The following NEGR1 variants were observed in gnomAD, a reference collection of about 807,000 sequenced individuals.
The protein encoded by NEGR1 is IgLON family member 4.
Under a neutral mutation model 40.9 loss-of-function variants are expected in NEGR1, and 10 were observed. The ratio of observed to expected loss-of-function variants is 0.24; its 90% CI spans 0.15 to 0.42. The LOEUF (loss-of-function observed/expected upper bound fraction) is 0.42. Ranked by LOEUF, NEGR1 falls within the 10% of genes least tolerant of loss-of-function variation. NEGR1 has a pLI of 1.00. For synonymous variants in NEGR1, 185 were observed against 166.8 expected (o/e 1.11, Z -0.84); for missense variants, 352 against 438.9 (o/e 0.80, Z 1.77).
At chr1:71,844,755 G>C (rs1416776414) in intron 2 of NEGR1, among the ~76,000 whole-genome samples, 3 of 152,304 alleles carry the variant, frequency 2.0e-5, no homozygotes, top group South Asian at 2.1e-4. Context: ...CAGTAGAAGA[G>C]AGAAGCAAAG....
chr1:71,967,670 A>G (rs961376540), intron 1 of NEGR1, among the ~76,000 whole-genome samples: 2 of 152,152 alleles, frequency 1.3e-5, no homozygotes, highest in African/African-American at 2.4e-5. Context: ...GTACACACAA[A>G]TAAAAATAAG....
intron 4 of NEGR1, among the ~76,000 whole-genome samples, chr1:71,656,332 C>T (rs945132786): frequency 6.6e-6 from 1 of 152,164 alleles, no homozygotes; most frequent in Non-Finnish European, 1.5e-5. Flanking sequence ...ATTTCTGAGC[C>T]TTGGTTTATC....
At chr1:71,732,229 G>T (rs559915037) in intron 3 of NEGR1, among the ~76,000 whole-genome samples, 1 of 152,138 alleles carries the variant, frequency 6.6e-6, no homozygotes, top group South Asian at 2.1e-4. Flanking sequence ...AATCGCTTGG[G>T]TCCGAGAAGT....
intron 1 of NEGR1, among the ~76,000 whole-genome samples, chr1:72,113,399 TG>T (rs1466002931): frequency 1.3e-5 from 2 of 151,438 alleles, no homozygotes; most frequent in East Asian, 3.9e-4. Context: ...CTGTTATCCT[TG>T]GAGAATGGCA....
chr1:71,544,704 G>A (rs1647831269), intron 6 of NEGR1, among the ~76,000 whole-genome samples: 1 of 151,662 alleles, frequency 6.6e-6, no homozygotes, highest in Non-Finnish European at 1.5e-5. Flanking sequence ...CCCCGTATAG[G>A]AGATTGTTGG....
intron 1 of NEGR1, among the ~76,000 whole-genome samples, chr1:72,150,222 A>G (rs964536068): frequency 6.6e-6 from 1 of 152,192 alleles, no homozygotes; most frequent in Non-Finnish European, 1.5e-5. Context: ...CCTGTCATGA[A>G]GCACAGTCTT....
chr1:71,411,567 A>T (rs1315170808), intron 6 of NEGR1, among the ~76,000 whole-genome samples: 1 of 152,146 alleles, frequency 6.6e-6, no homozygotes, highest in East Asian at 1.9e-4. Context: ...AGGTCATGTG[A>T]TCAGAGATGT....
Position 71,480,371 on chromosome 1 carries a change from C to G in NEGR1, c.941-72801G>C, listed in dbSNP as rs7516025. On this transcript the variant is annotated intron_variant, in intron 6 of 6. Coordinates refer to ENST00000357731, the MANE Select transcript of NEGR1 (RefSeq NM_173808.3). ...AAAATTGCAAGTCCCAACCCTCTTA[C>G]TTTGTTCTGTCCACTACCCTTCCTC... Among the ~76,000 whole-genome samples, 272 of 151,960 alleles carry G rather than the reference C, an allele frequency of 1.8e-3. 1 individual carries two copies. Among genetic ancestry groups the G allele is most frequent in the African/African-American group, 6.2e-3 (259 of 41,514 alleles).
chr1:71,698,367 G>A (rs1653558306), intron 3 of NEGR1, among the ~76,000 whole-genome samples: 1 of 151,866 alleles, frequency 6.6e-6, no homozygotes, highest in South Asian at 2.1e-4. Flanking sequence ...GGATATACAT[G>A]TGTTCTTTTT....
chr1:71,996,563 A>G (rs539293126), intron 1 of NEGR1, among the ~76,000 whole-genome samples: 2 of 152,058 alleles, frequency 1.3e-5, no homozygotes, highest in East Asian at 3.9e-4. Context: ...TCTCAAAACT[A>G]TTTCTGATTT....
intron 1 of NEGR1, among the ~76,000 whole-genome samples, chr1:71,982,541 G>A (rs1557467538): frequency 6.6e-6 from 1 of 152,074 alleles, no homozygotes; most frequent in Non-Finnish European, 1.5e-5. Context: ...TTTCCCAATT[G>A]CTTAGAGTTA....
At chr1:71,587,732 A>G (rs1649355806) in intron 6 of NEGR1, among the ~76,000 whole-genome samples, 1 of 152,048 alleles carries the variant, frequency 6.6e-6, no homozygotes, top group Admixed American at 6.6e-5. Context: ...AACCTATACT[A>G]CAGTAAAGGA....
At chr1:71,943,703 A>G (rs1450593211) in intron 1 of NEGR1, among the ~76,000 whole-genome samples, 2 of 152,216 alleles carry the variant, frequency 1.3e-5, no homozygotes, top group African/African-American at 4.8e-5. Context: ...AAGTCTGAAT[A>G]TCAAAATATC....
At chr1:72,063,240 C>T (rs1186423651) in intron 1 of NEGR1, among the ~76,000 whole-genome samples, 1 of 151,826 alleles carries the variant, frequency 6.6e-6, no homozygotes, top group Non-Finnish European at 1.5e-5. Flanking sequence ...CATGTGTTTT[C>T]TAATCCTCTA....
At chr1:71,994,401 G>A (rs1258282169) in intron 1 of NEGR1, among the ~76,000 whole-genome samples, 3 of 151,876 alleles carry the variant, frequency 2.0e-5, no homozygotes, top group East Asian at 1.9e-4. Context: ...GGTGGTGGGC[G>A]CCTGTAGTAC....
At chr1:72,050,264 G>C (rs1359422393) in intron 1 of NEGR1, among the ~76,000 whole-genome samples, 1 of 151,444 alleles carries the variant, frequency 6.6e-6, no homozygotes, top group Non-Finnish European at 1.5e-5. Context: ...GTAAACAATA[G>C]TTATATGCTC....
At chr1:71,498,397 T>C (rs769669447) in intron 6 of NEGR1, among the ~76,000 whole-genome samples, 8 of 151,984 alleles carry the variant, frequency 5.3e-5, no homozygotes, top group Non-Finnish European at 1.0e-4. Flanking sequence ...CAATTATCAG[T>C]AGAGCAGATG....
intron 1 of NEGR1, among the ~76,000 whole-genome samples, chr1:72,232,600 T>C (rs921819741): frequency 2.0e-5 from 3 of 152,122 alleles, no homozygotes; most frequent in Admixed American, 2.0e-4. Context: ...GGTTAAGCAA[T>C]ATTTTTTTTC....
At chr1:71,451,065 T>G (rs1424815877) in intron 6 of NEGR1, among the ~76,000 whole-genome samples, 1 of 152,190 alleles carries the variant, frequency 6.6e-6, no homozygotes, top group Non-Finnish European at 1.5e-5. Context: ...TCCAGACTAG[T>G]AATCACTTTT....
Sources: gnomAD v4.1 joint callset for allele counts (sites outside exome capture counted in the v4.1 genomes callset) on GRCh38, gnomAD v4.1.1 for gene constraint, MANE v1.5 for transcripts, NCBI Gene and HGNC (gene_info 2026-07-23, HGNC 2026-07-21) for gene names.